RNLS: variants seen among roughly 807,000 people sequenced by gnomAD.
The protein encoded by RNLS is renalase, FAD dependent amine oxidase, also known as renalase.
In RNLS, 39 loss-of-function variants were observed where a neutral mutation model predicts 39.8. The observed-to-expected ratio is 0.98, with a 90% CI of 0.76 to 1.28. The LOEUF is 1.28. Among genes scored for constraint, RNLS ranks in the 50% most tolerant of loss-of-function variants. RNLS has a pLI of 0.00. For missense variants in RNLS, 410 were observed against 413.3 expected, an observed-to-expected ratio of 0.99 and a Z score of 0.07; for synonymous variants, 147 against 150.7, an observed-to-expected ratio of 0.98 and a Z score of 0.18.
At chr10:88,350,071 G>GT (rs1489560828) in intron 5 of RNLS, among the ~76,000 whole-genome samples, 4 of 152,080 alleles carry the variant, frequency 2.6e-5, no homozygotes, top group Non-Finnish European at 2.9e-5. Context: ...AAACCTGACA[G>GT]TTTTTCATGA....
the RNLS span, among the ~76,000 whole-genome samples, chr10:88,184,081 A>G: frequency 6.6e-6 from 1 of 152,130 alleles, no homozygotes; most frequent in African/African-American, 2.4e-5. Context: ...GAACTCCTGG[A>G]CTTTGTAGTG....
chr10:88,500,992 T>C (rs897343469), intron 4 of RNLS, among the ~76,000 whole-genome samples: 7 of 146,182 alleles, frequency 4.8e-5, no homozygotes, highest in African/African-American at 1.2e-4. Context: ...TATTTATGTA[T>C]ATATATGTGT....
chr10:88,424,541 T>C (rs1854599025), intron 4 of RNLS, among the ~76,000 whole-genome samples: 1 of 152,130 alleles, frequency 6.6e-6, no homozygotes, highest in African/African-American at 2.4e-5. Context: ...GATGGCTCTA[T>C]GCCCAGCTGA....
the RNLS span, among the ~76,000 whole-genome samples, chr10:88,262,492 TG>T: frequency 1.3e-5 from 2 of 152,212 alleles, 1 homozygote; most frequent in African/African-American, 4.8e-5. Flanking sequence ...GCCATGCCAG[TG>T]TGACTCATAA....
intron 5 of RNLS, among the ~76,000 whole-genome samples, chr10:88,326,450 T>C (rs1210991572): frequency 2.0e-5 from 3 of 152,214 alleles, no homozygotes; most frequent in South Asian, 2.1e-4. Context: ...GCCCTAGAGA[T>C]GTGTGGAACT....
chr10:88,404,579 T>A (rs1319685315), intron 4 of RNLS, among the ~76,000 whole-genome samples: 1 of 152,014 alleles, frequency 6.6e-6, no homozygotes, highest in Non-Finnish European at 1.5e-5. Context: ...AATTTTAAGT[T>A]AGAAGATGAG....
chr10:88,423,494 C>G (rs1208623337), intron 4 of RNLS, among the ~76,000 whole-genome samples: 1 of 152,138 alleles, frequency 6.6e-6, no homozygotes, highest in Non-Finnish European at 1.5e-5. Context: ...GAATATTGAC[C>G]AAGAGATTTG....
intron 6 of RNLS, among the ~76,000 whole-genome samples, chr10:88,307,537 G>A (rs1845013536): frequency 6.6e-6 from 1 of 152,054 alleles, no homozygotes; most frequent in African/African-American, 2.4e-5. Flanking sequence ...ACCAACAATA[G>A]TCAAGCCAAG....
intron 4 of RNLS, among the ~76,000 whole-genome samples, chr10:88,442,519 A>G (rs904093854): frequency 6.6e-6 from 1 of 152,162 alleles, no homozygotes; most frequent in East Asian, 1.9e-4. Flanking sequence ...CTTATGCCAG[A>G]GCCCTGATGG....
chr10:88,479,273 T>C (rs1174307928), intron 4 of RNLS, among the ~76,000 whole-genome samples: 1 of 152,186 alleles, frequency 6.6e-6, no homozygotes, highest in East Asian at 1.9e-4. Context: ...ACTTGGATCA[T>C]GAAGCATCGT....
At chr10:88,244,060 C>G in the RNLS span, among the ~76,000 whole-genome samples, 2 of 152,194 alleles carry the variant, frequency 1.3e-5, no homozygotes, top group Non-Finnish European at 2.9e-5. Flanking sequence ...AGGCTGGTTT[C>G]CTCTGTCCTG....
intron 4 of RNLS, among the ~76,000 whole-genome samples, chr10:88,503,250 A>C (rs1845601869): frequency 6.6e-6 from 1 of 151,784 alleles, no homozygotes; most frequent in South Asian, 2.1e-4. Flanking sequence ...GCATGGTGGC[A>C]CATGCCTGTA....
intron 4 of RNLS, among the ~76,000 whole-genome samples, chr10:88,449,384 G>A (rs554825731): frequency 1.2e-4 from 18 of 152,232 alleles, no homozygotes; most frequent in South Asian, 2.1e-4. Flanking sequence ...TCTTTTCCAC[G>A]TGTTTAATTA....
chr10:88,235,062 C>A, the RNLS span, among the ~76,000 whole-genome samples: 3 of 151,804 alleles, frequency 2.0e-5, no homozygotes, highest in Non-Finnish European at 4.4e-5. Context: ...GAGATCGAGA[C>A]CATCCTGGCT....
At chr10:88,188,130 C>T in the RNLS span, among the ~76,000 whole-genome samples, 1 of 152,080 alleles carries the variant, frequency 6.6e-6, no homozygotes, top group African/African-American at 2.4e-5. Context: ...AATCTCAGCT[C>T]GCTGCAACCT....
rs186775925 is a variant in RNLS, at chr10:88,338,951, C to T, written c.700+23601G>A. Among the ~76,000 whole-genome samples, 1,018 of 152,084 alleles carry T rather than the reference C, an allele frequency of 6.7e-3. 8 individuals are homozygous for T. Among genetic ancestry groups the T allele is most frequent in the Non-Finnish European group, 0.011 (777 of 67,960 alleles). On this transcript the variant is annotated intron_variant, in intron 5 of 6. Coordinates refer to ENST00000331772, the MANE Select transcript of RNLS (RefSeq NM_001031709.3). ...TAATTTTTTGTATTTTTAGTGGAGA[C>T]GGGGTTTCACCGTGTTAGCCAGGAT...
At chr10:88,224,144 T>C in the RNLS span, among the ~76,000 whole-genome samples, 1 of 151,970 alleles carries the variant, frequency 6.6e-6, no homozygotes, top group Non-Finnish European at 1.5e-5. Flanking sequence ...AACTGGGTAA[T>C]TTATAAATAA....
chr10:88,525,542 C>A (rs980156133), intron 4 of RNLS, among the ~76,000 whole-genome samples: 1 of 152,012 alleles, frequency 6.6e-6, no homozygotes, highest in Non-Finnish European at 1.5e-5. Flanking sequence ...CTGGGCCCTG[C>A]GTATGTAGTA....
At chr10:88,509,438 A>G (rs1308434355) in intron 4 of RNLS, among the ~76,000 whole-genome samples, 3 of 113,894 alleles carry the variant, frequency 2.6e-5, no homozygotes, top group Non-Finnish European at 6.0e-5. Flanking sequence ...GAAAGGAAAT[A>G]AGAGAGAGAG....
Sources: gnomAD v4.1 joint callset for allele counts (sites outside exome capture counted in the v4.1 genomes callset) on GRCh38, gnomAD v4.1.1 for gene constraint, MANE v1.5 for transcripts, NCBI Gene and HGNC (gene_info 2026-07-23, HGNC 2026-07-21) for gene names.